Variants in ITPR1 observed in about 807,000 individuals in gnomAD.
The protein encoded by ITPR1 is inositol 1,4,5-trisphosphate receptor type 1, also known as inositol 1,4,5-trisphosphate-gated calcium channel ITPR1.
Under a neutral mutation model 318.4 loss-of-function variants are expected in ITPR1, and 96 were observed. The observed-to-expected ratio is 0.30, with a 90% CI of 0.26 to 0.36. The LOEUF (loss-of-function observed/expected upper bound fraction) is 0.36, where lower values mean the gene tolerates loss of function less well. ITPR1 is among the 10% of genes least tolerant of loss of function. The pLI is 1.00. For missense variants in ITPR1, 2,440 were observed against 3,460.2 expected (o/e 0.71, Z 7.40); for synonymous variants, 1,312 against 1,289.9 (o/e 1.02, Z -0.37).
chr3:4,721,172 G>GTATATATATATATA (rs5846332), intron 40 of ITPR1, among the ~76,000 whole-genome samples: 1,853 of 124,480 alleles, frequency 0.015, 27 homozygotes, highest in African/African-American at 0.026. Context: ...GTGTGTGCGT[G>GTATATATATATATA]TATATATATA....
intron 4 of ITPR1, among the ~76,000 whole-genome samples, chr3:4,589,557 A>T (rs190227781): frequency 3.3e-5 from 5 of 152,144 alleles, no homozygotes; most frequent in African/African-American, 4.8e-5. Flanking sequence ...GTCTGGAATG[A>T]CTGCTGTGGC....
At chr3:4,658,949 C>G (rs1315486274) in intron 13 of ITPR1, among the ~76,000 whole-genome samples, 1 of 152,088 alleles carries the variant, frequency 6.6e-6, no homozygotes, top group Admixed American at 6.5e-5. Flanking sequence ...TCATCTTTCT[C>G]AAAAAACCCA....
Position 4,697,136 on chromosome 3 carries a change from C to G in ITPR1, c.4282-11C>G, listed in dbSNP as rs1407585611. ...GATGGTTTTTCAGAAAAGCTTCTTT[C>G]TATCTTGCAGGTTAAAATTGCATAC... On this transcript the variant is annotated splice_polypyrimidine_tract_variant and intron_variant, in intron 33 of 61. Transcript: ENST00000649015. The G allele has an allele frequency of 6.2e-7, 1 of 1,609,494 alleles. No individual in the cohort carries two copies. The highest frequency in any genetic ancestry group is 8.5e-7 in the Non-Finnish European group (1 of 1,177,586).
intron 4 of ITPR1, among the ~76,000 whole-genome samples, chr3:4,611,025 T>TCCCTC (rs780914488): frequency 6.8e-5 from 1 of 14,730 alleles, no homozygotes. Context: ...CCCTTCCCCT[T>TCCCTC]CCTCCCTCCC....
At chr3:4,579,912 T>TAA (rs926350717) in intron 4 of ITPR1, among the ~76,000 whole-genome samples, 1 of 148,648 alleles carries the variant, frequency 6.7e-6, no homozygotes. Flanking sequence ...AATTCAGCCT[T>TAA]AAAAAAAACC....
chr3:4,649,323 A>G lies in ITPR1; in HGVS notation c.856-2800A>G, dbSNP rs112908963. On this transcript the variant is annotated intron_variant, in intron 10 of 61. Coordinates refer to ENST00000649015, the MANE Select transcript of ITPR1 (RefSeq NM_001378452.1). ...CCTGAATTTCATAGGAAGACGTTGA[A>G]TAGTTCTTTCTCTCATTTTTTAAAA... Among the ~76,000 whole-genome samples, 319 of 152,316 alleles carry G rather than the reference A, an allele frequency of 2.1e-3. 1 individual carries two copies. Among genetic ancestry groups the G allele is most frequent in the African/African-American group, 7.3e-3 (304 of 41,564 alleles).
chr3:4,602,205 G>A (rs574918573), intron 4 of ITPR1, among the ~76,000 whole-genome samples: 7 of 152,166 alleles, frequency 4.6e-5, no homozygotes, highest in Non-Finnish European at 1.0e-4. Context: ...CAAATGAATT[G>A]AAAACATACG....
At chr3:4,501,432 G>T (rs1188251200) in intron 2 of ITPR1, among the ~76,000 whole-genome samples, 3 of 152,204 alleles carry the variant, frequency 2.0e-5, no homozygotes, top group Non-Finnish European at 4.4e-5. Flanking sequence ...CAGACTCTCA[G>T]ACCCTACTCC....
At position 4,826,265 on chromosome 3, in the gene ITPR1, T is replaced by G. The variant is rs1320876396; in HGVS notation, c.8028+8023T>G. Among the ~76,000 whole-genome samples, 3 of 152,248 alleles carry G rather than the reference T, an allele frequency of 2.0e-5. No homozygotes were observed. The highest frequency in any genetic ancestry group is 4.4e-5 in the Non-Finnish European group (3 of 68,042). ...TAGGTATGTTCCTAGAATATTGATA[T>G]TTCAACATTGGTAGTGCTGAGCAGC... On this transcript the variant is annotated intron_variant, in intron 60 of 61. Transcript: ENST00000649015. The surrounding 1 kb of genome is among the most constrained non-coding windows in gnomAD (Gnocchi z 4.2).
In ITPR1 at chr3:4,797,296, G is replaced by C. The variant is rs192973974; in HGVS notation, c.6931+2109G>C. Reference sequence around the variant, plus strand: ...CTATACTCACTGCTAACCATCCTCAGTAGAAGAGTTGTATTAACCCTGCCT... The same window carrying C: ...CTATACTCACTGCTAACCATCCTCACTAGAAGAGTTGTATTAACCCTGCCT... On this transcript the variant is annotated intron_variant, in intron 53 of 61. Transcript: ENST00000649015. Among the ~76,000 whole-genome samples the C allele has an allele frequency of 9.9e-5, 15 of 152,146 alleles. No individual in the cohort carries two copies. The East Asian group carries it at 2.9e-3, about 29-fold the overall frequency.
At chr3:4,574,106 G>C (rs1286654753) in intron 4 of ITPR1, among the ~76,000 whole-genome samples, 1 of 152,068 alleles carries the variant, frequency 6.6e-6, no homozygotes, top group Admixed American at 6.6e-5. Flanking sequence ...GCTGTAATCT[G>C]TCTACCATTT....
At chr3:4,585,970 C>G (rs1374273062) in intron 4 of ITPR1, among the ~76,000 whole-genome samples, 1 of 137,208 alleles carries the variant, frequency 7.3e-6, no homozygotes, top group Non-Finnish European at 1.5e-5. Flanking sequence ...CTCCTTGTGT[C>G]CATGTGTTCT....
At chr3:4,628,990 G>A (rs1184114621) in intron 5 of ITPR1, among the ~76,000 whole-genome samples, 2 of 152,196 alleles carry the variant, frequency 1.3e-5, no homozygotes, top group Non-Finnish European at 2.9e-5. Flanking sequence ...TGCAGTGTGT[G>A]TTGTTTCAGA....
intron 58 of ITPR1, 174 bp downstream of exon 58, chr3:4,814,736 G>A (rs1022504587): frequency 3.0e-6 from 2 of 660,168 alleles, no homozygotes; most frequent in Non-Finnish European, 5.1e-6. Flanking sequence ...ACGTGAGGTG[G>A]TGCCGCAAAG....
intron 54 of ITPR1, among the ~76,000 whole-genome samples, chr3:4,801,590 C>G (rs2048233938): frequency 6.6e-6 from 1 of 152,094 alleles, no homozygotes; most frequent in East Asian, 1.9e-4. Context: ...ATGGCAGAAC[C>G]CTATCTCTAC....
intron 37 of ITPR1, among the ~76,000 whole-genome samples, chr3:4,707,796 G>A (rs2094791317): frequency 6.6e-6 from 1 of 152,156 alleles, no homozygotes; most frequent in African/African-American, 2.4e-5. Context: ...GTTGTTTACT[G>A]CTATGATTGT....
At position 4,768,632 on chromosome 3, in the gene ITPR1, G is replaced by C. The variant is rs757185078; in HGVS notation, c.5847G>C (p.Gln1949His). The C allele has an allele frequency of 3.1e-6, 5 of 1,614,026 alleles. No homozygotes were observed. The African/African-American group carries it at 5.3e-5, about 17-fold the overall frequency. The change falls in exon 46 of 62, where the codon CAG becomes CAC. Residue 1949 changes from glutamine (Q) to histidine (H), a missense_variant. By Grantham distance (24) the Gln-to-His change is conservative (BLOSUM62 0). This residue lies in a region of ITPR1 where 113 missense variants were observed against 103.6 expected (regional missense o/e 1.09). Transcript: ENST00000649015. The part of the protein sequence containing the change: ...RREADPDDHY[Q>H]PGEGTQATAD... ...AGGCTGATCCCGACGACCACTACCA[G>C]CCTGGAGAGGGCACCCAGGCCACTG... is the stretch of plus-strand genomic sequence containing the variant.
Position 4,521,053 on chromosome 3 carries a change from C to G in ITPR1, c.122C>G (p.Pro41Arg). 1 of 1,613,698 alleles carries G rather than the reference C, an allele frequency of 6.2e-7. No homozygotes were observed. Among genetic ancestry groups the G allele is most frequent in the Non-Finnish European group, 8.5e-7 (1 of 1,179,660 alleles). Reference protein sequence around the residue: ...GLVDDRCVVQPETGDLNNPPK... With the variant: ...GLVDDRCVVQRETGDLNNPPK... ...GTTGATGATCGTTGTGTTGTACAGC[C>G]AGAAACCGGGGACCTTAACAATCCA... The change falls in exon 4 of 62, where the codon CCA becomes CGA. Residue 41 changes from proline (P) to arginine (R), a missense_variant. By Grantham distance (103) the Pro-to-Arg change is moderately radical. This residue lies in a region of ITPR1 where 186 missense variants were observed against 323.9 expected (regional missense o/e 0.57). Transcript: ENST00000649015.
intron 4 of ITPR1, among the ~76,000 whole-genome samples, chr3:4,565,044 C>T (rs980383985): frequency 2.6e-5 from 4 of 152,180 alleles, no homozygotes; most frequent in African/African-American, 9.7e-5. Flanking sequence ...TTTGCTCAGA[C>T]ACCTGGAAGC....
Sources: allele counts gnomAD v4.1 joint callset (sites outside exome capture counted in the v4.1 genomes callset), GRCh38; gene constraint gnomAD v4.1.1; regional missense constraint gnomAD v4.1.1; non-coding constraint Gnocchi (gnomAD v3.1); transcripts MANE v1.5; gene names NCBI Gene and HGNC (gene_info 2026-07-23, HGNC 2026-07-21).